PCDHA8: variants seen among roughly 807,000 people sequenced by gnomAD.
The protein encoded by PCDHA8 is protocadherin alpha 8.
In PCDHA8, 53 loss-of-function variants were observed where a neutral mutation model predicts 61.8. The observed-to-expected ratio is 0.86, with a 90% CI of 0.69 to 1.08. The LOEUF is 1.08. PCDHA8 is among the 50% of genes least tolerant of loss of function. PCDHA8 has a pLI of 0.00. For missense variants in PCDHA8, 1,293 were observed against 1,245.0 expected, an observed-to-expected ratio of 1.04 and a Z score of -0.58; for synonymous variants, 618 against 556.6, an observed-to-expected ratio of 1.11 and a Z score of -1.55.
intron 1 of PCDHA8, chr5:140,869,061 G>A: frequency 6.4e-7 from 1 of 1,558,266 alleles, no homozygotes; most frequent in South Asian, 1.2e-5. Flanking sequence ...ATCTGGTACT[G>A]TAAGTGTAAA....
At chr5:140,849,860 C>A in intron 1 of PCDHA8, 1 of 1,598,548 alleles carries the variant, frequency 6.3e-7, no homozygotes, top group South Asian at 1.1e-5. Flanking sequence ...CACCAGCGTT[C>A]GCGCAGTCCG....
At chr5:140,936,446 C>G (rs1200299868) in intron 1 of PCDHA8, among the ~76,000 whole-genome samples, 1 of 152,164 alleles carries the variant, frequency 6.6e-6, no homozygotes, top group Non-Finnish European at 1.5e-5. Flanking sequence ...TAAATAACCA[C>G]ATCTGTTTAG....
At chr5:140,969,244 G>A (rs1345944804) in intron 1 of PCDHA8, 2 of 1,614,088 alleles carry the variant, frequency 1.2e-6, no homozygotes, top group Non-Finnish European at 1.7e-6. Flanking sequence ...AAGCAGCAGT[G>A]ACTGACAGCA....
chr5:140,905,493 T>C (rs185992010), intron 1 of PCDHA8, among the ~76,000 whole-genome samples: 10 of 152,288 alleles, frequency 6.6e-5, no homozygotes, highest in Non-Finnish European at 1.5e-4. Context: ...CTTCTTTTTG[T>C]TTTGTATTGC....
chr5:140,861,061 A>G (rs1278905276), intron 1 of PCDHA8: 1 of 152,226 alleles, frequency 6.6e-6, no homozygotes, highest in Admixed American at 6.5e-5. Context: ...AGAAAATCAG[A>G]TTATTCCTAG....
At chr5:140,923,264 C>T (rs2081280629) in intron 1 of PCDHA8, among the ~76,000 whole-genome samples, 1 of 152,170 alleles carries the variant, frequency 6.6e-6, no homozygotes, top group Admixed American at 6.5e-5. Flanking sequence ...CATAGTGAGA[C>T]CTTGTCTCTA....
intron 3 of PCDHA8, among the ~76,000 whole-genome samples, chr5:140,994,613 G>A (rs1452021453): frequency 2.0e-5 from 3 of 152,082 alleles, no homozygotes; most frequent in Admixed American, 6.5e-5. Flanking sequence ...GCTGAGGCAC[G>A]AGAGTCACTT....
In PCDHA8 at chr5:140,969,317, G is replaced by T. The variant is rs1554231675; in HGVS notation, c.2395-9632G>T. 3 of 1,614,156 alleles carry T rather than the reference G, an allele frequency of 1.9e-6. No homozygotes were observed. The East Asian group carries it at 6.7e-5, about 36-fold the overall frequency. ...CCTGATTATTCTCAAAAATGAGGCT[G>T]TTTCTCAAAATGAGGTGAGACAGTG... is the stretch of plus-strand genomic sequence containing the variant. On this transcript the variant is annotated intron_variant, in intron 1 of 3. Transcript: ENST00000531613.
chr5:140,973,242 ATTC>A (rs1295527172), intron 1 of PCDHA8, among the ~76,000 whole-genome samples: 1 of 152,170 alleles, frequency 6.6e-6, no homozygotes, highest in Non-Finnish European at 1.5e-5. Context: ...GAAAGAGTTA[ATTC>A]TTCTTTCAGT....
intron 1 of PCDHA8, chr5:140,848,396 G>A: frequency 7.8e-7 from 1 of 1,284,596 alleles, no homozygotes; most frequent in Non-Finnish European, 1.1e-6. Flanking sequence ...TCTCTGTGCT[G>A]AACGATGGCG....
chr5:140,883,393 C>G, intron 1 of PCDHA8: 1 of 1,614,160 alleles, frequency 6.2e-7, no homozygotes, highest in South Asian at 1.1e-5. Context: ...TCAGTGTGTC[C>G]GATCGTGACT....
At chr5:140,861,457 A>T (rs2046932948) in intron 1 of PCDHA8, 1 of 493,524 alleles carries the variant, frequency 2.0e-6, no homozygotes, top group African/African-American at 2.0e-5. Flanking sequence ...AACCTTCTGG[A>T]GGTAAATCTG....
At chr5:140,920,069 G>C (rs527472900) in intron 1 of PCDHA8, among the ~76,000 whole-genome samples, 1 of 152,288 alleles carries the variant, frequency 6.6e-6, no homozygotes, top group Non-Finnish European at 1.5e-5. Context: ...GGAAAAGGCA[G>C]AAACAGATTC....
Position 141,009,816 on chromosome 5 carries a change from G to A in PCDHA8, c.2732G>A (p.Ser911Asn). ...QEPTNSQIDK[S>N]DFITFGKKEE... Reference sequence around the variant, plus strand: ...CCTACTAACAGCCAAATTGACAAAAGTGACTTCATAACCTTCGGCAAAAAG... The same window carrying A: ...CCTACTAACAGCCAAATTGACAAAAATGACTTCATAACCTTCGGCAAAAAG... Residue 911 changes from serine to asparagine, a missense_variant, in exon 4 of 4, where the codon AGT (serine) becomes AAT (asparagine). Ser to Asn is a conservative substitution (Grantham distance 46). Transcript: ENST00000531613. 1 of 1,614,044 alleles carries A rather than the reference G, an allele frequency of 6.2e-7. No homozygotes were observed. Among genetic ancestry groups the A allele is most frequent in the African/African-American group, 1.3e-5 (1 of 74,990 alleles).
In PCDHA8 at chr5:140,843,126, G is replaced by A. The variant is rs2150353418; in HGVS notation, c.1805G>A (p.Gly602Asp). ...AKVRAVDADS[G>D]YNAWLSYELQ... ...GTGCGCGCAGTGGACGCCGACTCGG[G>A]CTACAACGCGTGGCTTTCGTATGAG... Residue 602 changes from glycine (G) to aspartate (D), a missense_variant, in exon 1 of 4, where the codon GGC (glycine) becomes GAC (aspartate). Gly to Asp is a moderately conservative substitution (Grantham distance 94). Coordinates refer to ENST00000531613, the MANE Select transcript of PCDHA8 (RefSeq NM_018911.3). 7 of 1,595,940 alleles carry A rather than the reference G, an allele frequency of 4.4e-6. No individual in the cohort carries two copies.
chr5:140,899,609 A>G (rs898089235), intron 1 of PCDHA8, among the ~76,000 whole-genome samples: 12 of 152,104 alleles, frequency 7.9e-5, no homozygotes, highest in Non-Finnish European at 1.6e-4. Context: ...CTTTTGCATC[A>G]ATGTTCATCA....
intron 1 of PCDHA8, among the ~76,000 whole-genome samples, chr5:140,845,212 T>C (rs1779759360): frequency 6.7e-6 from 1 of 149,366 alleles, no homozygotes; most frequent in South Asian, 2.1e-4. Context: ...TTTAAGTCCT[T>C]TTAAAAAATA....
chr5:140,941,224 T>TTTCTTTCTTTCTTTCTTTCTTTCC (rs2092912857), intron 1 of PCDHA8, among the ~76,000 whole-genome samples: 1 of 137,372 alleles, frequency 7.3e-6, no homozygotes, highest in Non-Finnish European at 1.6e-5. Context: ...CCTTTCTTTC[T>TTTCTTTCTTTCTTTCTTTCTTTCC]TTCTTTCTTT....
rs186756859 is a variant in PCDHA8, at chr5:140,846,728, A to G, written c.2394+3013A>G. 4.0e-5 allele frequency among the ~76,000 whole-genome samples: 6 copies of G among 149,464 alleles called. 1 individual carries two copies. The highest frequency in any genetic ancestry group is 2.0e-4 in the Admixed American group (3 of 14,884). On this transcript the variant is annotated intron_variant, in intron 1 of 3. Transcript: ENST00000531613. ...TTGTAATAACCAGTCTTCATTAAACATTAAATAGGACCCTTACAGATCTCT... is the reference window on the plus strand; with the variant it reads ...TTGTAATAACCAGTCTTCATTAAACGTTAAATAGGACCCTTACAGATCTCT...
Sources: gnomAD v4.1 joint callset for allele counts (sites outside exome capture counted in the v4.1 genomes callset) on GRCh38, gnomAD v4.1.1 for gene constraint, MANE v1.5 for transcripts, NCBI Gene and HGNC (gene_info 2026-07-23, HGNC 2026-07-21) for gene names.